The following GPC5 variants were observed in gnomAD, a reference collection of about 807,000 sequenced individuals.
GPC5 encodes the protein glypican 5, also known as glypican-5.
GPC5 carries 47 observed loss-of-function variants against 53.9 expected under a neutral mutation model. That is an observed-to-expected ratio of 0.87 (90% confidence interval 0.69 to 1.11). GPC5 has a LOEUF of 1.11. GPC5 is among the 50% of genes most tolerant of loss of function. GPC5 has a pLI of 0.00. For missense variants in GPC5, 748 were observed against 713.1 expected (o/e 1.05, Z -0.56); for synonymous variants, 286 against 263.3 (o/e 1.09, Z -0.84).
At chr13:92,240,121 G>T (rs775444993) in intron 7 of GPC5, 14 of 151,882 alleles carry the variant, frequency 9.2e-5, no homozygotes, top group African/African-American at 1.7e-4. Flanking sequence ...TTATAAAGAC[G>T]TTATCAATAC....
chr13:92,174,084 G>A (rs573083069), intron 7 of GPC5, among the ~76,000 whole-genome samples: 7 of 152,240 alleles, frequency 4.6e-5, no homozygotes, highest in African/African-American at 1.4e-4. Context: ...TAGCCTGGGT[G>A]ACTGAGTGAG....
intron 1 of GPC5, among the ~76,000 whole-genome samples, chr13:91,408,094 A>G (rs543231085): frequency 1.3e-5 from 2 of 152,160 alleles, no homozygotes; most frequent in African/African-American, 4.8e-5. Flanking sequence ...AGCATTTTTC[A>G]AGAATACAAT....
intron 6 of GPC5, among the ~76,000 whole-genome samples, chr13:92,039,764 G>A (rs2040927545): frequency 6.6e-6 from 1 of 151,820 alleles, no homozygotes. Context: ...TTTTTTCTAT[G>A]TGTGTGCACA....
chr13:92,852,166 T>G (rs2138845892), intron 7 of GPC5, among the ~76,000 whole-genome samples: 1 of 152,312 alleles, frequency 6.6e-6, no homozygotes, highest in African/African-American at 2.4e-5. Context: ...CCATGAGCTC[T>G]TATCACTTAG....
chr13:92,082,359 G>A (rs1306480935), intron 6 of GPC5, among the ~76,000 whole-genome samples: 1 of 152,080 alleles, frequency 6.6e-6, no homozygotes, highest in African/African-American at 2.4e-5. Context: ...GGGGACTAAG[G>A]CAATATAGTT....
At chr13:91,750,675 T>TC (rs11448700) in intron 4 of GPC5, among the ~76,000 whole-genome samples, 1 of 17,270 alleles carries the variant, frequency 5.8e-5, no homozygotes, top group Non-Finnish European at 1.4e-4. Flanking sequence ...AGGTAAGTCC[T>TC]TTTTTTTTTT....
intron 7 of GPC5, among the ~76,000 whole-genome samples, chr13:92,314,373 C>G (rs1163338911): frequency 5.9e-5 from 9 of 152,178 alleles, no homozygotes; most frequent in Admixed American, 5.2e-4. Context: ...TGTCATTAGT[C>G]ACACCCCAAA....
intron 2 of GPC5, among the ~76,000 whole-genome samples, chr13:91,613,139 C>T (rs146284163): frequency 3.9e-5 from 6 of 152,028 alleles, no homozygotes; most frequent in African/African-American, 1.2e-4. Flanking sequence ...GCAAATACAC[C>T]CTATTCAATA....
chr13:91,570,485 C>T (rs915136316), intron 2 of GPC5, among the ~76,000 whole-genome samples: 6 of 152,148 alleles, frequency 3.9e-5, no homozygotes. Context: ...GATACTCAAC[C>T]TGTATTATAC....
chr13:92,520,479 A>G (rs1427002947), intron 7 of GPC5, among the ~76,000 whole-genome samples: 1 of 152,146 alleles, frequency 6.6e-6, no homozygotes, highest in Non-Finnish European at 1.5e-5. Context: ...TTCAACATAC[A>G]CAAATCAATA....
intron 2 of GPC5, among the ~76,000 whole-genome samples, chr13:91,504,531 T>C (rs1211141339): frequency 2.0e-5 from 3 of 152,164 alleles, no homozygotes; most frequent in African/African-American, 4.8e-5. Context: ...ATTGTTCTTA[T>C]ATAACAGCAA....
At chr13:92,357,618 A>G (rs1439248163) in intron 7 of GPC5, among the ~76,000 whole-genome samples, 1 of 151,690 alleles carries the variant, frequency 6.6e-6, no homozygotes, top group Admixed American at 6.5e-5. Flanking sequence ...AAGAGACTTA[A>G]TTAGCTCATG....
intron 2 of GPC5, among the ~76,000 whole-genome samples, chr13:91,623,031 G>A (rs2033903112): frequency 6.6e-6 from 1 of 152,030 alleles, no homozygotes; most frequent in Non-Finnish European, 1.5e-5. Flanking sequence ...CTCAAGATAG[G>A]GGAAGAAGGA....
At chr13:91,418,131 C>T (rs930181011) in intron 1 of GPC5, among the ~76,000 whole-genome samples, 1 of 152,082 alleles carries the variant, frequency 6.6e-6, no homozygotes, top group Non-Finnish European at 1.5e-5. Flanking sequence ...TTAGTAGTCG[C>T]TGAGTTGTTA....
intron 7 of GPC5, among the ~76,000 whole-genome samples, chr13:92,529,919 C>A (rs1375355034): frequency 6.6e-6 from 1 of 151,968 alleles, no homozygotes; most frequent in African/African-American, 2.4e-5. Context: ...CCCGTCTCTA[C>A]TATAAATTTA....
At chr13:92,317,264 G>A (rs2043185388) in intron 7 of GPC5, among the ~76,000 whole-genome samples, 1 of 152,108 alleles carries the variant, frequency 6.6e-6, no homozygotes, top group South Asian at 2.1e-4. Context: ...GTGTCCAGGG[G>A]CCATTGGCAG....
At chr13:92,830,764 G>A (rs1275857703) in intron 7 of GPC5, among the ~76,000 whole-genome samples, 1 of 152,130 alleles carries the variant, frequency 6.6e-6, no homozygotes, top group East Asian at 1.9e-4. Context: ...CTTAAAAGAC[G>A]TTAGGCTATG....
At chr13:92,694,346 G>A (rs1220947652) in intron 7 of GPC5, among the ~76,000 whole-genome samples, 4 of 152,196 alleles carry the variant, frequency 2.6e-5, no homozygotes, top group Non-Finnish European at 4.4e-5. Context: ...GCTTGCACAT[G>A]CACCTGGAAA....
chr13:91,911,731 G>A (rs1594658447), intron 6 of GPC5, among the ~76,000 whole-genome samples: 3 of 152,240 alleles, frequency 2.0e-5, no homozygotes, highest in Admixed American at 1.3e-4. Flanking sequence ...GAGTGGATAC[G>A]CTGAGAAGTG....
Sources: allele counts gnomAD v4.1 joint callset (sites outside exome capture counted in the v4.1 genomes callset), GRCh38; gene constraint gnomAD v4.1.1; transcripts MANE v1.5; gene names NCBI Gene and HGNC (gene_info 2026-07-23, HGNC 2026-07-21).